Variants in FHIT observed in about 807,000 individuals in gnomAD.
FHIT encodes bis(5'-adenosyl)-triphosphatase.
FHIT carries 19 observed loss-of-function variants against 17.9 expected under a neutral mutation model. The observed-to-expected ratio is 1.06, with a 90% CI of 0.74 to 1.56. FHIT has a LOEUF of 1.56. Ranked by LOEUF, FHIT falls within the 40% of genes most tolerant of loss-of-function variation. The pLI is 0.00. For missense variants in FHIT, 248 were observed against 189.2 expected (o/e 1.31, Z -1.82); for synonymous variants, 81 against 69.7 (o/e 1.16, Z -0.81).
intron 5 of FHIT, among the ~76,000 whole-genome samples, chr3:60,040,132 C>T (rs1701375629): frequency 6.7e-6 from 1 of 148,922 alleles, no homozygotes. Flanking sequence ...GAATAATTTC[C>T]TTCTTTCTTT....
intron 5 of FHIT, among the ~76,000 whole-genome samples, chr3:60,232,256 T>C (rs1486624585): frequency 6.6e-6 from 1 of 152,190 alleles, no homozygotes; most frequent in Non-Finnish European, 1.5e-5. Flanking sequence ...GGAGGTGTTT[T>C]TGGACAGCCA....
intron 4 of FHIT, among the ~76,000 whole-genome samples, chr3:60,628,471 G>C (rs2039352992): frequency 6.6e-6 from 1 of 152,158 alleles, no homozygotes; most frequent in African/African-American, 2.4e-5. Flanking sequence ...ACACCCAGCT[G>C]TTATGCTTCA....
chr3:59,806,657 T>C (rs1700210491), intron 8 of FHIT, among the ~76,000 whole-genome samples: 2 of 33,404 alleles, frequency 6.0e-5, no homozygotes, highest in African/African-American at 1.0e-4. Context: ...TACATATATA[T>C]GTATACATAT....
chr3:60,372,675 T>C (rs994530316), intron 5 of FHIT, among the ~76,000 whole-genome samples: 3 of 152,360 alleles, frequency 2.0e-5, no homozygotes, highest in Non-Finnish European at 4.4e-5. Flanking sequence ...TACTTCAGTA[T>C]GCATTAACCT....
At chr3:60,814,639 G>A (rs1222637906) in intron 4 of FHIT, among the ~76,000 whole-genome samples, 1 of 152,110 alleles carries the variant, frequency 6.6e-6, no homozygotes, top group Non-Finnish European at 1.5e-5. Flanking sequence ...CCATATCTTT[G>A]CTATTGTGAA....
At chr3:60,102,045 C>T (rs115032901) in intron 5 of FHIT, among the ~76,000 whole-genome samples, 1 of 152,154 alleles carries the variant, frequency 6.6e-6, no homozygotes, top group African/African-American at 2.4e-5. Flanking sequence ...AATGTGGCAA[C>T]AATCTGTCAG....
intron 5 of FHIT, among the ~76,000 whole-genome samples, chr3:60,270,545 TA>T (rs1446890027): frequency 6.6e-6 from 1 of 152,224 alleles, no homozygotes; most frequent in Non-Finnish European, 1.5e-5. Flanking sequence ...ACTTGGACTA[TA>T]AATTATCATA....
chr3:60,677,546 C>T (rs1176312461), intron 4 of FHIT, among the ~76,000 whole-genome samples: 1 of 152,004 alleles, frequency 6.6e-6, no homozygotes, highest in Non-Finnish European at 1.5e-5. Flanking sequence ...CACACATATA[C>T]ATAAATAAAA....
chr3:61,032,659 C>G (rs578252200), intron 3 of FHIT, among the ~76,000 whole-genome samples: 4 of 152,184 alleles, frequency 2.6e-5, no homozygotes, highest in Admixed American at 2.0e-4. Context: ...AAAAGAAGAT[C>G]CTCTCTGTTG....
intron 5 of FHIT, among the ~76,000 whole-genome samples, chr3:60,032,215 A>T (rs1319959825): frequency 6.6e-6 from 1 of 152,164 alleles, no homozygotes; most frequent in East Asian, 1.9e-4. Flanking sequence ...GTCCTTAATT[A>T]AAATCATTAT....
intron 3 of FHIT, chr3:60,912,721 G>A (rs782322904): frequency 5.8e-6 from 3 of 514,292 alleles, no homozygotes; most frequent in Non-Finnish European, 7.7e-6. Flanking sequence ...TTACTAACTA[G>A]CCCTTCCATT....
chr3:60,360,043 GGAAAAAGAATAC>G (rs1409538435), intron 5 of FHIT, among the ~76,000 whole-genome samples: 1 of 127,088 alleles, frequency 7.9e-6, no homozygotes, highest in Non-Finnish European at 1.6e-5. Context: ...TCCCTGCTTT[GGAAAAAGAATAC>G]AAATGTGCAG....
chr3:60,050,249 A>C (rs1279924274), intron 5 of FHIT, among the ~76,000 whole-genome samples: 2 of 152,110 alleles, frequency 1.3e-5, no homozygotes, highest in Non-Finnish European at 2.9e-5. Flanking sequence ...TACTTTGTTC[A>C]TTTTTCCCAT....
At chr3:60,492,955 C>T (rs556771529) in intron 5 of FHIT, among the ~76,000 whole-genome samples, 22 of 152,098 alleles carry the variant, frequency 1.4e-4, no homozygotes, top group African/African-American at 3.4e-4. Context: ...TTGCTCTGGG[C>T]GAGTAACTCC....
chr3:60,587,383 G>T (rs1387725060), intron 4 of FHIT, among the ~76,000 whole-genome samples: 1 of 152,010 alleles, frequency 6.6e-6, no homozygotes, highest in Non-Finnish European at 1.5e-5. Flanking sequence ...GAGAGCATTA[G>T]GACAAATAGC....
chr3:60,258,078 A>ACACACG (rs1706100575), intron 5 of FHIT, among the ~76,000 whole-genome samples: 1 of 125,474 alleles, frequency 8.0e-6, no homozygotes, highest in South Asian at 2.7e-4. Flanking sequence ...ACACACACAC[A>ACACACG]CACACACACA....
chr3:60,635,009 C>T (rs1461835893), intron 4 of FHIT, among the ~76,000 whole-genome samples: 1 of 152,144 alleles, frequency 6.6e-6, no homozygotes, highest in African/African-American at 2.4e-5. Flanking sequence ...GTAGCTAGAG[C>T]TACTGCATGC....
intron 5 of FHIT, among the ~76,000 whole-genome samples, chr3:60,253,486 C>G (rs1473200678): frequency 6.6e-6 from 1 of 152,132 alleles, no homozygotes; most frequent in African/African-American, 2.4e-5. Context: ...TATCAAATGT[C>G]TATAGATAGT....
At chr3:60,349,810 C>A (rs1443959726) in intron 5 of FHIT, among the ~76,000 whole-genome samples, 1 of 152,146 alleles carries the variant, frequency 6.6e-6, no homozygotes, top group Non-Finnish European at 1.5e-5. Flanking sequence ...CATAAGGTAA[C>A]TTACCGTAAA....
Sources: gnomAD v4.1 joint callset for allele counts (sites outside exome capture counted in the v4.1 genomes callset) on GRCh38, gnomAD v4.1.1 for gene constraint, MANE v1.5 for transcripts, NCBI Gene and HGNC (gene_info 2026-07-23, HGNC 2026-07-21) for gene names.